TEP1: variants seen among roughly 807,000 people sequenced by gnomAD.
TEP1 encodes the protein telomerase protein component 1.
TEP1 carries 241 observed loss-of-function variants against 306.3 expected under a neutral mutation model. The observed-to-expected ratio is 0.79, with a 90% confidence interval of 0.71 to 0.88. TEP1 has a LOEUF of 0.88. TEP1 is among the 40% of genes least tolerant of loss of function. The probability of loss-of-function intolerance (pLI) is 0.00; values close to 1 mark genes in which losing one functional copy is unlikely to be tolerated. For synonymous variants in TEP1, 1,289 were observed against 1,305.5 expected (o/e 0.99, Z 0.27); for missense variants, 3,051 against 3,276.1 (o/e 0.93, Z 1.68).
Position 20,374,480 on chromosome 14 carries a change from C to G in TEP1, c.6420G>C (p.Arg2140=). 3 of 1,613,620 alleles carry G rather than the reference C, an allele frequency of 1.9e-6. 1 individual carries two copies. The East Asian group carries it at 6.7e-5, about 36-fold the overall frequency. Residue 2140 remains arginine (R), a synonymous_variant, in exon 44 of 55, where the codon CGG becomes CGC. Transcript: ENST00000262715. ...VGLWDPESGQ[R]LGQFLGHQSA... is the part of the protein sequence containing the mutation. ...TCTGATGACCCAGGAACTGACCAAG[C>G]CGCTGTCCTGACTCTGGGTCCCAGA...
In TEP1 at chr14:20,383,208, C is replaced by T. The variant is rs748939265; in HGVS notation, c.4013G>A (p.Gly1338Glu). Reference sequence around the variant, plus strand: ...AAATGGTGACTCCTCCAGCCGCTTCCCGTACAGGGCCAGCTCCTCTCTCAC... The same window carrying T: ...AAATGGTGACTCCTCCAGCCGCTTCTCGTACAGGGCCAGCTCCTCTCTCAC... ...RLVREELALY[G>E]KRLEESPFNN... is the part of the protein sequence containing the mutation. Residue 1338 changes from glycine to glutamate, a missense_variant, in exon 27 of 55, where the codon GGG becomes GAG. Around this residue, in one of 3 missense-constraint regions of TEP1, gnomAD observed 1,540 missense variants for 1,705.9 expected, o/e 0.90. Transcript: ENST00000262715. 23 of 1,611,368 alleles carry T rather than the reference C, an allele frequency of 1.4e-5. No individual in the cohort carries two copies. Among genetic ancestry groups the T allele is most frequent in the Non-Finnish European group, 2.0e-5 (23 of 1,179,102 alleles).
At chr14:20,410,887 T>C (rs975996223) in intron 1 of TEP1, among the ~76,000 whole-genome samples, 3 of 147,408 alleles carry the variant, frequency 2.0e-5, no homozygotes, top group African/African-American at 7.5e-5. Flanking sequence ...AGTCGCACAG[T>C]CTCAGCTCAC....
chr14:20,380,469 G>A lies in TEP1; in HGVS notation c.4769C>T (p.Ser1590Leu), dbSNP rs767317862. ...LLEAHALYAS[S>L]VPKEEQKLPE... ...GAGCTTTTGTTCCTCTTTGGGGACT[G>A]AAGAAGCTATAAAAGGGTGGCAGAA... is the stretch of plus-strand genomic sequence containing the variant. The change falls in exon 34 of 55, where the codon TCA becomes TTA. Residue 1590 changes from serine (S) to leucine (L), a missense_variant. Around this residue, in one of 3 missense-constraint regions of TEP1, gnomAD observed 1,540 missense variants for 1,705.9 expected, o/e 0.90. Transcript: ENST00000262715. 1.9e-6 allele frequency: 3 copies of A among 1,611,904 alleles called. No homozygotes were observed. Among genetic ancestry groups the A allele is most frequent in the Non-Finnish European group, 2.5e-6 (3 of 1,179,582 alleles).
At chr14:20,393,815 C>T (rs1030535457) in intron 12 of TEP1, among the ~76,000 whole-genome samples, 2 of 150,642 alleles carry the variant, frequency 1.3e-5, no homozygotes, top group African/African-American at 4.9e-5. Context: ...GGGTGCTTAG[C>T]TAATGCCTAT....
At chr14:20,396,206 C>T (rs1332667054) in intron 10 of TEP1, among the ~76,000 whole-genome samples, 2 of 152,222 alleles carry the variant, frequency 1.3e-5, no homozygotes, top group African/African-American at 2.4e-5. Context: ...TGGTAGCTCA[C>T]GCCTGTAATC....
intron 43 of TEP1, 132 bp downstream of exon 43, chr14:20,375,623 G>A (rs781135361): frequency 1.6e-5 from 10 of 616,258 alleles, no homozygotes; most frequent in Non-Finnish European, 2.9e-5. Flanking sequence ...TTCAATGCCT[G>A]GCACATATCA....
chr14:20,392,864 A>C (rs1473838539), intron 12 of TEP1, among the ~76,000 whole-genome samples: 5 of 152,250 alleles, frequency 3.3e-5, no homozygotes, highest in African/African-American at 4.8e-5. Context: ...AATGTGTCTT[A>C]TTATTTGACA....
chr14:20,397,486 G>A (rs1618089), intron 9 of TEP1, among the ~76,000 whole-genome samples: 25,627 of 151,716 alleles, frequency 0.17, 3,053 homozygotes, highest in East Asian at 0.34. Flanking sequence ...TGCAGCCTGG[G>A]TGACAAAGCA....
In TEP1 at chr14:20,381,501, T is replaced by A; in HGVS notation, c.4558+52A>T. Reference sequence around the variant, plus strand: ...GGGAGCACAGTGGGTGGTCCTGGCCTCCAGGCCCAAGCCCCACACTCAGTG... The same window carrying A: ...GGGAGCACAGTGGGTGGTCCTGGCCACCAGGCCCAAGCCCCACACTCAGTG... On this transcript the variant is annotated intron_variant, in intron 31 of 54. Transcript: ENST00000262715. This position sits in a 1 kb window ranked among gnomAD's most constrained non-coding sequence, Gnocchi z 4.0. 1 of 1,612,768 alleles carries A rather than the reference T, an allele frequency of 6.2e-7. No individual in the cohort carries two copies. Among genetic ancestry groups the A allele is most frequent in the Non-Finnish European group, 8.5e-7 (1 of 1,179,976 alleles).
intron 7 of TEP1, among the ~76,000 whole-genome samples, chr14:20,403,087 G>T (rs141773683): frequency 6.7e-6 from 1 of 150,198 alleles, no homozygotes; most frequent in East Asian, 2.0e-4. Flanking sequence ...AGCCTGTGAG[G>T]TGGAGGTTGT....
Position 20,378,963 on chromosome 14 carries a change from A to G in TEP1, c.5252+18T>C. The G allele has an allele frequency of 1.9e-6, 3 of 1,614,092 alleles. No homozygotes were observed. The highest frequency in any genetic ancestry group is 2.2e-5 in the South Asian group (2 of 91,076). On this transcript the variant is annotated intron_variant, in intron 36 of 54. Transcript: ENST00000262715. ...GGGGAAGGCCCTCATTCCAAGACAAATGGGGAGGACCCCTTACCGACAACC... is the reference window on the plus strand; with the variant it reads ...GGGGAAGGCCCTCATTCCAAGACAAGTGGGGAGGACCCCTTACCGACAACC...
At position 20,380,473 on chromosome 14, in the gene TEP1, A is replaced by C. The variant is rs1027680777; in HGVS notation, c.4765T>G (p.Ser1589Ala). The C allele has an allele frequency of 1.9e-6, 3 of 1,610,216 alleles. No individual in the cohort carries two copies. The African/African-American group carries it at 4.0e-5, about 22-fold the overall frequency. The part of the protein sequence containing the change: ...RLLEAHALYA[S>A]SVPKEEQKLP... The stretch of plus-strand genomic sequence containing the variant: ...TTTTGTTCCTCTTTGGGGACTGAAG[A>C]AGCTATAAAAGGGTGGCAGAATGTC... The change falls in exon 34 of 55, where the codon TCT becomes GCT. Residue 1589 changes from serine (S) to alanine (A), a missense_variant and splice_region_variant. Transcript: ENST00000262715.
intron 21 of TEP1, 67 bp downstream of exon 21, chr14:20,384,918 A>C: frequency 6.2e-7 from 1 of 1,608,562 alleles, no homozygotes; most frequent in Non-Finnish European, 8.5e-7. Flanking sequence ...CTGAATACTG[A>C]GGAGAGAAGA....
chr14:20,371,215 T>C lies in TEP1; in HGVS notation c.7317+3A>G. The C allele has an allele frequency of 6.2e-7, 1 of 1,612,734 alleles. No individual in the cohort carries two copies. Among genetic ancestry groups the C allele is most frequent in the Admixed American group, 1.7e-5 (1 of 60,008 alleles). ...CTTTAGCACACACTCAAATAGGACT[T>C]ACCAAGAAAGAAAGAACTCCAGGAT... On this transcript the variant is annotated splice_donor_region_variant and intron_variant, in intron 51 of 54. Coordinates refer to ENST00000262715, the MANE Select transcript of TEP1 (RefSeq NM_007110.5).
In TEP1 at chr14:20,368,929, T is replaced by C. The variant is rs777788820; in HGVS notation, c.7657-27A>G. 4.4e-6 allele frequency: 7 copies of C among 1,578,492 alleles called. No homozygotes were observed. The African/African-American group carries it at 9.4e-5, about 21-fold the overall frequency. The stretch of plus-strand genomic sequence containing the variant: ...TCAAAGAGGAAAGGGGAGAGCAGAA[T>C]GGTGAGTTCTCAGGGGCCCCTCCTC... On this transcript the variant is annotated intron_variant, in intron 53 of 54. Transcript: ENST00000262715.
At position 20,383,195 on chromosome 14, in the gene TEP1, C is replaced by A; in HGVS notation, c.4026G>T (p.Glu1342Asp). 1 of 1,608,278 alleles carries A rather than the reference C, an allele frequency of 6.2e-7. No individual in the cohort carries two copies. Among genetic ancestry groups the A allele is most frequent in the Non-Finnish European group, 8.5e-7 (1 of 1,177,622 alleles). ...EELALYGKRL[E>D]ESPFNNQMRL... ...CAACCTGGTTGTTAAATGGTGACTC[C>A]TCCAGCCGCTTCCCGTACAGGGCCA... The change falls in exon 27 of 55, where the codon GAG becomes GAT. Residue 1342 changes from glutamate to aspartate, a missense_variant. Physicochemically the swap from Glu to Asp is conservative, Grantham distance 45. Around this residue, in one of 3 missense-constraint regions of TEP1, gnomAD observed 1,540 missense variants for 1,705.9 expected, o/e 0.90. Transcript: ENST00000262715.
At chr14:20,407,691 G>C (rs1269867723) in intron 2 of TEP1, among the ~76,000 whole-genome samples, 182 bp downstream of exon 2, 1 of 152,164 alleles carries the variant, frequency 6.6e-6, no homozygotes, top group African/African-American at 2.4e-5. Flanking sequence ...ATGTAGATAT[G>C]CAATAAAAGT....
In TEP1 at chr14:20,369,392, G is replaced by A. The variant is rs1019043846; in HGVS notation, c.7608C>T (p.Ser2536=). 24 of 1,613,832 alleles carry A rather than the reference G, an allele frequency of 1.5e-5. No individual in the cohort carries two copies. The highest frequency in any genetic ancestry group is 2.0e-5 in the Non-Finnish European group (24 of 1,179,896). ...GATGTGGTGTTGGCTCACTATCCAT[G>A]CTGGCATCACTATCCATGCTGGCAT... The part of the protein sequence containing the change: ...ESDASMDSDA[S]MDSEPTPHLK... Residue 2536 remains serine, a synonymous_variant, in exon 53 of 55, where the codon AGC becomes AGT. Transcript: ENST00000262715.
At chr14:20,391,797 GC>G (rs768687437) in intron 12 of TEP1, 30 bp from the exon 13 acceptor site, 29 of 1,608,748 alleles carry the variant, frequency 1.8e-5, no homozygotes, top group Non-Finnish European at 2.3e-5. Flanking sequence ...AGACACAGGG[GC>G]TCAGGGACTT....
Sources: allele counts gnomAD v4.1 joint callset (sites outside exome capture counted in the v4.1 genomes callset), GRCh38; gene constraint gnomAD v4.1.1; regional missense constraint gnomAD v4.1.1; non-coding constraint Gnocchi (gnomAD v3.1); transcripts MANE v1.5; gene names NCBI Gene and HGNC (gene_info 2026-07-23, HGNC 2026-07-21).